Variants in UVRAG observed in about 807,000 individuals in gnomAD.
UVRAG encodes the protein UV radiation resistance-associated gene protein.
UVRAG carries 19 observed loss-of-function variants against 78.0 expected under a neutral mutation model. The observed-to-expected ratio is 0.24, with a 90% CI of 0.17 to 0.36. The LOEUF is 0.36. UVRAG is among the 10% of genes least tolerant of loss of function. The pLI is 1.00. For synonymous variants in UVRAG, 323 were observed against 324.6 expected (o/e 1.00, Z 0.05); for missense variants, 740 against 853.8 (o/e 0.87, Z 1.66).
intron 3 of UVRAG, among the ~76,000 whole-genome samples, chr11:75,878,726 C>T (rs1246019687): frequency 2.0e-5 from 3 of 152,136 alleles, no homozygotes; most frequent in Non-Finnish European, 2.9e-5. Flanking sequence ...TCAGGCGTGG[C>T]GGCGCGCGCC....
At chr11:75,846,357 CA>C (rs1296707810) in intron 1 of UVRAG, among the ~76,000 whole-genome samples, 3 of 152,196 alleles carry the variant, frequency 2.0e-5, no homozygotes, top group Non-Finnish European at 2.9e-5. Flanking sequence ...CACTCAGAAC[CA>C]TTGCAAAGCC....
rs181215224 is a variant in UVRAG at position 75,848,807 on chromosome 11, T to G, written c.118-3076T>G. On this transcript the variant is annotated intron_variant, in intron 1 of 14. Coordinates refer to ENST00000356136, the MANE Select transcript of UVRAG (RefSeq NM_003369.4). ...GTATATAGGATGTAATCCTTGGCTT[T>G]CTTTCTGCATTCTTTCCTTCTTTTG... Among the ~76,000 whole-genome samples the G allele has an allele frequency of 7.2e-5, 11 of 152,350 alleles. No homozygotes were observed. The South Asian group carries it at 8.3e-4, about 11-fold the overall frequency.
At chr11:76,048,253 T>C (rs1356573945) in intron 12 of UVRAG, among the ~76,000 whole-genome samples, 1 of 152,256 alleles carries the variant, frequency 6.6e-6, no homozygotes, top group Admixed American at 6.5e-5. Context: ...CTTTTAGCTT[T>C]ACTTAACAGC....
At position 76,049,999 on chromosome 11, in the gene UVRAG, T is replaced by C. The variant is rs1280571650; in HGVS notation, c.1227-15711T>C. On this transcript the variant is annotated intron_variant, in intron 12 of 14. Coordinates refer to ENST00000356136, the MANE Select transcript of UVRAG (RefSeq NM_003369.4). ...GTGCCTGCAGGACAATTGCTAGGAT[T>C]GTATAGATAAAGTATAATAAGTACA... Among the ~76,000 whole-genome samples the C allele has an allele frequency of 2.0e-5, 3 of 152,204 alleles. No individual in the cohort carries two copies. The East Asian group carries it at 5.8e-4, about 29-fold the overall frequency.
At chr11:75,970,571 A>C (rs2135235693) in intron 7 of UVRAG, among the ~76,000 whole-genome samples, 1 of 152,110 alleles carries the variant, frequency 6.6e-6, no homozygotes, top group East Asian at 1.9e-4. Flanking sequence ...TCTCTACTAA[A>C]AATACAAAAA....
At chr11:75,981,287 TTTTTAGTAGAGATGGGGTTTCAC>T (rs1949387058) in intron 7 of UVRAG, among the ~76,000 whole-genome samples, 1 of 151,940 alleles carries the variant, frequency 6.6e-6, no homozygotes. Context: ...AATTTTTATA[TTTTTAGTAGAGATGGGGTTTCAC>T]TATGTTGGCC....
At chr11:76,056,582 T>C (rs1370171308) in intron 12 of UVRAG, among the ~76,000 whole-genome samples, 2 of 152,240 alleles carry the variant, frequency 1.3e-5, no homozygotes, top group Non-Finnish European at 2.9e-5. Context: ...TTAAACTTAC[T>C]CTGCAGATCC....
intron 12 of UVRAG, among the ~76,000 whole-genome samples, chr11:76,048,268 AT>A (rs1950801410): frequency 6.6e-6 from 1 of 152,250 alleles, no homozygotes; most frequent in Non-Finnish European, 1.5e-5. Flanking sequence ...AACAGCTAAC[AT>A]CTGACTGACC....
In UVRAG at chr11:76,141,012, G is replaced by A. The variant is rs1333465024; in HGVS notation, c.1699G>A (p.Asp567Asn). The A allele has an allele frequency of 1.9e-6, 3 of 1,614,130 alleles. No homozygotes were observed. The highest frequency in any genetic ancestry group is 1.7e-5 in the Admixed American group (1 of 60,022). Residue 567 changes from aspartate (D) to asparagine (N), a missense_variant, in exon 15 of 15, where the codon GAT becomes AAT. Transcript: ENST00000356136. ...FSKENKKKGE[D>N]LVGSLNGGHA... ...CAAAGAAAACAAGAAAAAAGGAGAG[G>A]ATCTAGTTGGCAGCTTAAACGGAGG...
At chr11:75,920,681 T>G (rs1947961694) in intron 6 of UVRAG, among the ~76,000 whole-genome samples, 1 of 152,218 alleles carries the variant, frequency 6.6e-6, no homozygotes, top group African/African-American at 2.4e-5. Context: ...CAATCTGATA[T>G]GTATCCATCT....
At chr11:75,819,359 T>G (rs10899132) in intron 1 of UVRAG, among the ~76,000 whole-genome samples, 22,599 of 152,060 alleles carry the variant, frequency 0.15, 2,149 homozygotes, top group African/African-American at 0.27. Flanking sequence ...GTTTTGTTTT[T>G]GATTTTTGAG....
chr11:76,065,555 T>C (rs1456835616), intron 12 of UVRAG, among the ~76,000 whole-genome samples, 155 bp from the exon 13 acceptor site: 2 of 152,232 alleles, frequency 1.3e-5, no homozygotes, highest in East Asian at 3.8e-4. Context: ...ATTAATATTA[T>C]GAAGATGTCA....
chr11:76,135,275 CCTT>C (rs1476203045), intron 14 of UVRAG, among the ~76,000 whole-genome samples: 1 of 152,158 alleles, frequency 6.6e-6, no homozygotes, highest in East Asian at 1.9e-4. Context: ...TTTGAACAGT[CCTT>C]CTTGTCGCCA....
chr11:76,069,658 A>ATATAT (rs1719953997), intron 13 of UVRAG, among the ~76,000 whole-genome samples: 2 of 152,260 alleles, frequency 1.3e-5, no homozygotes, highest in African/African-American at 4.8e-5. Context: ...AAGTACATGC[A>ATATAT]TATAAATTCA....
At chr11:75,977,010 C>G (rs1468558831) in intron 7 of UVRAG, among the ~76,000 whole-genome samples, 2 of 152,206 alleles carry the variant, frequency 1.3e-5, no homozygotes, top group East Asian at 3.8e-4. Flanking sequence ...GCATTTAGTG[C>G]TATAAATTCC....
chr11:75,937,110 C>T (rs1476015030), intron 6 of UVRAG, among the ~76,000 whole-genome samples: 1 of 152,208 alleles, frequency 6.6e-6, no homozygotes, highest in African/African-American at 2.4e-5. Context: ...TGGCTCACGC[C>T]TGTAATCCCA....
At chr11:76,087,601 GA>G (rs1437711525) in intron 13 of UVRAG, among the ~76,000 whole-genome samples, 1 of 152,100 alleles carries the variant, frequency 6.6e-6, no homozygotes, top group Non-Finnish European at 1.5e-5. Context: ...TCGAAGCTCG[GA>G]AAAATTAAAC....
chr11:76,069,154 T>C lies in UVRAG; in HGVS notation c.1305+3366T>C, dbSNP rs146976743. ...AATTTAGTAATATTTGTTACTTCAG[T>C]ATTTGGGATCAGTCCAGCCCAAGTT... On this transcript the variant is annotated intron_variant, in intron 13 of 14. Transcript: ENST00000356136. Among the ~76,000 whole-genome samples the C allele has an allele frequency of 2.0e-4, 30 of 152,322 alleles. No homozygotes were observed. The South Asian group carries it at 3.3e-3, about 17-fold the overall frequency.
intron 13 of UVRAG, among the ~76,000 whole-genome samples, chr11:76,109,103 A>C (rs1565164569): frequency 6.6e-6 from 1 of 152,202 alleles, no homozygotes; most frequent in African/African-American, 2.4e-5. Context: ...GCAGTTATAC[A>C]GACCCAAAGC....
Sources: gnomAD v4.1 joint callset for allele counts (sites outside exome capture counted in the v4.1 genomes callset) on GRCh38, gnomAD v4.1.1 for gene constraint, MANE v1.5 for transcripts, NCBI Gene and HGNC (gene_info 2026-07-23, HGNC 2026-07-21) for gene names.